Variants in LRRN2 observed in about 807,000 individuals in gnomAD.
The protein encoded by LRRN2 is leucine-rich repeat neuronal protein 2.
Under a neutral mutation model 35.7 loss-of-function variants are expected in LRRN2, and 10 were observed. The observed-to-expected ratio is 0.28, with a 90% CI of 0.17 to 0.47. The LOEUF is 0.47. Ranked by LOEUF, LRRN2 falls within the 20% of genes least tolerant of loss-of-function variation. The pLI, the probability that LRRN2 is intolerant of heterozygous loss-of-function variation, is 0.99. For synonymous variants in LRRN2, 391 were observed against 409.6 expected (o/e 0.95, Z 0.55); for missense variants, 731 against 940.3 (o/e 0.78, Z 2.91).
Position 204,677,266 on chromosome 1 carries a change from G to T in LRRN2, c.-227+8054C>A, listed in dbSNP as rs74138518. On this transcript the variant is annotated intron_variant, in intron 1 of 1. Coordinates refer to ENST00000367177, the MANE Select transcript of LRRN2 (RefSeq NM_201630.2). ...GGGTCAGCCTCTGCGTCTTCCAGGG[G>T]GTTGTGCTGGGGTACAGCGGGTGTG... 4.5e-3 allele frequency among the ~76,000 whole-genome samples: 682 copies of T among 152,320 alleles called. 7 individuals carry two copies. The highest frequency in any genetic ancestry group is 0.016 in the African/African-American group (646 of 41,564).
chr1:204,669,422 T>C (rs1193835731), intron 1 of LRRN2, among the ~76,000 whole-genome samples: 1 of 152,246 alleles, frequency 6.6e-6, no homozygotes, highest in Admixed American at 6.5e-5. Flanking sequence ...AATGATACAA[T>C]AATACAACAG....
At chr1:204,660,123 A>C (rs1668439570) in intron 1 of LRRN2, among the ~76,000 whole-genome samples, 2 of 152,192 alleles carry the variant, frequency 1.3e-5, no homozygotes, top group Non-Finnish European at 2.9e-5. Flanking sequence ...TTCCTGGTCC[A>C]GGGGGTGACA....
chr1:204,622,427 A>G (rs1666963477), intron 1 of LRRN2, among the ~76,000 whole-genome samples: 1 of 152,042 alleles, frequency 6.6e-6, no homozygotes, highest in Non-Finnish European at 1.5e-5. Context: ...GCTACTTCCC[A>G]CTTTCCTCTG....
At chr1:204,658,263 C>T (rs1024880288) in intron 1 of LRRN2, among the ~76,000 whole-genome samples, 4 of 152,126 alleles carry the variant, frequency 2.6e-5, no homozygotes, top group Non-Finnish European at 5.9e-5. Flanking sequence ...CAGGCATGAG[C>T]CACCGTGCCC....
At chr1:204,643,422 C>T (rs1409614262) in intron 1 of LRRN2, among the ~76,000 whole-genome samples, 14 of 152,128 alleles carry the variant, frequency 9.2e-5, no homozygotes, top group Admixed American at 2.0e-4. Context: ...CCTCCCAAAA[C>T]GTTAAGTGCT....
Position 204,619,724 on chromosome 1 carries a change from C to A in LRRN2, c.269G>T (p.Gly90Val). 6.2e-7 allele frequency: 1 copy of A among 1,614,188 alleles called. No homozygotes were observed. The highest frequency in any genetic ancestry group is 8.5e-7 in the Non-Finnish European group (1 of 1,180,000). Residue 90 changes from glycine to valine, a missense_variant, in exon 2 of 2, where the codon GGC (glycine) becomes GTC (valine). Gly to Val is a moderately radical substitution (Grantham distance 109). This residue lies in a region of LRRN2 where 246 missense variants were observed against 289.5 expected (regional missense o/e 0.85). Coordinates refer to ENST00000367177, the MANE Select transcript of LRRN2 (RefSeq NM_201630.2). ...SIVRVDQSEL[G>V]YLANLTELDL... Reference sequence around the variant, plus strand: ...CAGCTCTGTGAGATTGGCCAGGTAGCCCAGCTCACTCTGGTCCACACGGAC... The same window carrying A: ...CAGCTCTGTGAGATTGGCCAGGTAGACCAGCTCACTCTGGTCCACACGGAC...
At position 204,658,728 on chromosome 1, in the gene LRRN2, C is replaced by T. The variant is rs147057875; in HGVS notation, c.-227+26592G>A. Among the ~76,000 whole-genome samples, 731 of 152,348 alleles carry T rather than the reference C, an allele frequency of 4.8e-3. 6 individuals carry two copies. The highest frequency in any genetic ancestry group is 0.017 in the African/African-American group (702 of 41,572). ...CTCATTGACTCCCCTCTTTGGGAGC[C>T]TCTGGGTTTTTCTTTCTCTATCAAG... On this transcript the variant is annotated intron_variant, in intron 1 of 1. Coordinates refer to ENST00000367177, the MANE Select transcript of LRRN2 (RefSeq NM_201630.2).
chr1:204,672,123 C>T (rs1270600439), intron 1 of LRRN2, among the ~76,000 whole-genome samples: 2 of 152,274 alleles, frequency 1.3e-5, no homozygotes, highest in South Asian at 2.1e-4. Flanking sequence ...GGGGAATAAT[C>T]GTGTCTTAGA....
At chr1:204,663,551 T>G (rs1668513516) in intron 1 of LRRN2, among the ~76,000 whole-genome samples, 1 of 152,116 alleles carries the variant, frequency 6.6e-6, no homozygotes, top group Admixed American at 6.5e-5. Flanking sequence ...TTTTAGCCCA[T>G]CCTGGATTCT....
chr1:204,664,088 G>A (rs1317200465), intron 1 of LRRN2: 3 of 152,238 alleles, frequency 2.0e-5, no homozygotes, highest in African/African-American at 7.2e-5. Flanking sequence ...GTCTGCAGAA[G>A]GCTGGGCAGC....
rs546260539 is a variant in LRRN2, at chr1:204,649,344, T to C, written c.-226-29126A>G. Among the ~76,000 whole-genome samples, 12 of 152,246 alleles carry C rather than the reference T, an allele frequency of 7.9e-5. No homozygotes were observed. The South Asian group carries it at 2.5e-3, about 32-fold the overall frequency. On this transcript the variant is annotated intron_variant, in intron 1 of 1. Coordinates refer to ENST00000367177, the MANE Select transcript of LRRN2 (RefSeq NM_201630.2). ...GGTCCTAGAGGGCAGGGATAGGTCT[T>C]ATTTATCTCTGTATCCGCAGCTCAC...
chr1:204,654,033 C>CAAAAA (rs56179230), intron 1 of LRRN2, among the ~76,000 whole-genome samples: 2 of 84,292 alleles, frequency 2.4e-5, no homozygotes, highest in Non-Finnish European at 4.7e-5. Flanking sequence ...GAGACCCTGA[C>CAAAAA]AAAAAAAAAA....
At chr1:204,630,220 G>A (rs1388583341) in intron 1 of LRRN2, among the ~76,000 whole-genome samples, 1 of 151,944 alleles carries the variant, frequency 6.6e-6, no homozygotes, top group Non-Finnish European at 1.5e-5. Flanking sequence ...CACTGCTTTC[G>A]AGGTGAATGA....
intron 1 of LRRN2, among the ~76,000 whole-genome samples, chr1:204,680,044 C>T (rs893313661): frequency 3.9e-5 from 6 of 152,106 alleles, no homozygotes; most frequent in Admixed American, 6.5e-5. Context: ...CACCAGATTC[C>T]GGGGTGGTGA....
chr1:204,665,736 G>A (rs1182294567), intron 1 of LRRN2, among the ~76,000 whole-genome samples: 3 of 152,178 alleles, frequency 2.0e-5, no homozygotes, highest in East Asian at 1.9e-4. Context: ...CTGTGCCCAG[G>A]ACAGAGACTA....
intron 1 of LRRN2, among the ~76,000 whole-genome samples, chr1:204,635,283 C>T (rs957345705): frequency 6.6e-5 from 10 of 152,028 alleles, no homozygotes. Context: ...CAGCATTATT[C>T]TCTGGGCTTA....
chr1:204,661,554 C>T (rs1400922169), intron 1 of LRRN2, among the ~76,000 whole-genome samples: 1 of 152,228 alleles, frequency 6.6e-6, no homozygotes, highest in East Asian at 1.9e-4. Flanking sequence ...GAAGTGCTGT[C>T]GGGAATCTGC....
rs1558422408 is a variant in LRRN2, at chr1:204,671,395, T to TGTG, written c.-227+13924_-227+13925insCAC. Among the ~76,000 whole-genome samples the TGTG allele has an allele frequency of 3.7e-3, 530 of 141,522 alleles. 2 individuals carry two copies. Among genetic ancestry groups the TGTG allele is most frequent in the Non-Finnish European group, 5.6e-3 (369 of 66,244 alleles). 92.8% of individuals were successfully genotyped at this position (141,522 alleles called of 152,430 possible). ...TGAGTTTGTAGAAGTAGCAATCTGT[T>TGTG]TGTGTGTTTGTGTGTGTGTGTGTGT... On this transcript the variant is annotated intron_variant, in intron 1 of 1. Transcript: ENST00000367177.
chr1:204,622,583 G>A (rs1263846621), intron 1 of LRRN2, among the ~76,000 whole-genome samples: 1 of 152,118 alleles, frequency 6.6e-6, no homozygotes, highest in African/African-American at 2.4e-5. Context: ...TGTGCAAGGG[G>A]AACCCAGCTA....
Sources: allele counts gnomAD v4.1 joint callset (sites outside exome capture counted in the v4.1 genomes callset), GRCh38; gene constraint gnomAD v4.1.1; regional missense constraint gnomAD v4.1.1; transcripts MANE v1.5; gene names NCBI Gene and HGNC (gene_info 2026-07-23, HGNC 2026-07-21).